Variants in METTL13 observed in about 807,000 individuals in gnomAD.
METTL13 encodes the protein methyltransferase 13, eEF1A N-terminus and K55.
Under a neutral mutation model 67.4 loss-of-function variants are expected in METTL13, and 52 were observed. That is an observed-to-expected ratio of 0.77 (90% CI 0.62 to 0.97). METTL13 has a LOEUF of 0.97. Among genes scored for constraint, METTL13 ranks in the 50% least tolerant of loss-of-function variants. The pLI is 0.00. For synonymous variants in METTL13, 354 were observed against 353.6 expected (o/e 1.00, Z -0.01); for missense variants, 825 against 889.6 (o/e 0.93, Z 0.92).
Position 171,796,915 on chromosome 1 carries a change from A to T in METTL13, c.*159A>T. On this transcript the variant is annotated 3_prime_UTR_variant, in exon 8 of 8. Transcript: ENST00000361735. The stretch of plus-strand genomic sequence containing the variant: ...TCCAGCTTGGTGAGGTTGCCTGAAG[A>T]TTAGGGAAAATAAAAATGTCCTTCC... The T allele has an allele frequency of 1.1e-6, 1 of 916,512 alleles. No homozygotes were observed. The highest frequency in any genetic ancestry group is 1.6e-6 in the Non-Finnish European group (1 of 624,668). The allele number at this position is 916,512 out of a possible 1,614,324, so 56.8% of individuals were successfully genotyped here.
chr1:171,781,669 T>TC lies in METTL13; in HGVS notation c.-299_-298insC. 1.3e-6 allele frequency: 1 copy of TC among 778,924 alleles called. No homozygotes were observed. Among genetic ancestry groups the TC allele is most frequent in the Non-Finnish European group, 1.7e-6 (1 of 593,530 alleles). The allele number at this position is 778,924 out of a possible 1,614,324, so 48.3% of individuals were successfully genotyped here. A position where few individuals can be genotyped will look rare whatever the true frequency, so the allele number is the denominator to read the frequency against. The stretch of plus-strand genomic sequence containing the variant: ...AATCACGAGGCTTCGCACCCGGATA[T>TC]GGTTATGGGCTCGGAAATCTAGTTC... On this transcript the variant is annotated 5_prime_UTR_variant, in exon 1 of 8. The change abolishes an upstream ATG in the 5' untranslated region. Transcript: ENST00000361735.
intron 6 of METTL13, among the ~76,000 whole-genome samples, chr1:171,793,188 G>A (rs1657262744): frequency 6.6e-6 from 1 of 152,182 alleles, no homozygotes; most frequent in African/African-American, 2.4e-5. Context: ...AAACTAGGAG[G>A]CCTGGGACAA....
intron 3 of METTL13, among the ~76,000 whole-genome samples, chr1:171,787,397 G>C (rs763125952): frequency 6.6e-6 from 1 of 152,008 alleles, no homozygotes; most frequent in East Asian, 1.9e-4. Flanking sequence ...CCCTTCCTGA[G>C]GGTTCCCTCT....
At chr1:171,788,998 C>G (rs1450254103) in intron 4 of METTL13, among the ~76,000 whole-genome samples, 1 of 152,330 alleles carries the variant, frequency 6.6e-6, no homozygotes, top group Non-Finnish European at 1.5e-5. Context: ...TGTTGGGTTT[C>G]TGCCCTATTG....
At chr1:171,790,411 G>A (rs748582131) in intron 4 of METTL13, 41 bp from the exon 5 acceptor site, 1 of 1,475,176 alleles carries the variant, frequency 6.8e-7, no homozygotes, top group Admixed American at 2.5e-5. Flanking sequence ...GCTTCCTGAG[G>A]ACTAGTGTAC....
At chr1:171,782,603 T>C (rs1422539043) in intron 1 of METTL13, among the ~76,000 whole-genome samples, 2 of 151,722 alleles carry the variant, frequency 1.3e-5, no homozygotes, top group South Asian at 2.1e-4. Context: ...TTTCAGATAA[T>C]AGACCTCCCA....
At chr1:171,795,327 A>G (rs1053034160) in intron 7 of METTL13, among the ~76,000 whole-genome samples, 1 of 152,234 alleles carries the variant, frequency 6.6e-6, no homozygotes, top group Non-Finnish European at 1.5e-5. Flanking sequence ...TTAACATTCT[A>G]GTATATGCCT....
At position 171,787,715 on chromosome 1, in the gene METTL13, A is replaced by G. The variant is rs1411506404; in HGVS notation, c.1114-20A>G. On this transcript the variant is annotated intron_variant, in intron 3 of 7. Coordinates refer to ENST00000361735, the MANE Select transcript of METTL13 (RefSeq NM_015935.5). The stretch of plus-strand genomic sequence containing the variant: ...TTAAATGAGCTGCTGTTTTGACCAC[A>G]TCTCTGGTTGTACCTTCAGGTCCCC... 6.2e-7 allele frequency: 1 copy of G among 1,605,416 alleles called. No individual in the cohort carries two copies. Among genetic ancestry groups the G allele is most frequent in the Non-Finnish European group, 8.5e-7 (1 of 1,173,080 alleles).
chr1:171,782,429 G>C (rs1656857763), intron 1 of METTL13, among the ~76,000 whole-genome samples: 1 of 151,908 alleles, frequency 6.6e-6, no homozygotes, highest in African/African-American at 2.4e-5. Context: ...TTAGCCGGGC[G>C]TGGTGGCGCG....
rs182226205 is a variant in METTL13 at position 171,796,907 on chromosome 1, G to A, written c.*151G>A. ...ATGTGACCTCCAGCTTGGTGAGGTT[G>A]CCTGAAGATTAGGGAAAATAAAAAT... On this transcript the variant is annotated 3_prime_UTR_variant, in exon 8 of 8. Transcript: ENST00000361735. 3.9e-4 allele frequency: 397 copies of A among 1,005,788 alleles called. No individual in the cohort carries two copies. The African/African-American group carries it at 5.9e-3, about 15-fold the overall frequency. 62.3% of individuals were successfully genotyped at this position (1,005,788 alleles called of 1,614,324 possible).
At position 171,790,486 on chromosome 1, in the gene METTL13, G is replaced by T; in HGVS notation, c.1344G>T (p.Gln448His). Residue 448 changes from glutamine to histidine, a missense_variant, in exon 5 of 8, where the codon CAG becomes CAT. Transcript: ENST00000361735. The part of the protein sequence containing the change: ...QKKRKKDRKK[Q>H]RPADAEDLPA... ...AGCGGAAAAAGGACAGGAAGAAGCA[G>T]CGGCCTGCTGATGCGGAGGACCTCC... 1 of 1,608,658 alleles carries T rather than the reference G, an allele frequency of 6.2e-7. No homozygotes were observed. Among genetic ancestry groups the T allele is most frequent in the South Asian group, 1.1e-5 (1 of 90,276 alleles).
At chr1:171,793,335 G>C (rs1231489998) in intron 6 of METTL13, among the ~76,000 whole-genome samples, 1 of 152,242 alleles carries the variant, frequency 6.6e-6, no homozygotes, top group Non-Finnish European at 1.5e-5. Context: ...ATTTACAACA[G>C]TGCCATGCAC....
chr1:171,795,275 T>C (rs774708954), intron 7 of METTL13, among the ~76,000 whole-genome samples: 26 of 152,244 alleles, frequency 1.7e-4, no homozygotes, highest in East Asian at 3.8e-4. Flanking sequence ...TGTTCGTATT[T>C]GGTTTGTTTC....
In METTL13 at chr1:171,790,432, G is replaced by A. The variant is rs2124903204; in HGVS notation, c.1310-20G>A. On this transcript the variant is annotated intron_variant, in intron 4 of 7. Transcript: ENST00000361735. Reference sequence around the variant, plus strand: ...TGAGGACTAGTGTACTAAGCATAGGGCTTCATATCTCTTGTTTAGCCCAGA... The same window carrying A: ...TGAGGACTAGTGTACTAAGCATAGGACTTCATATCTCTTGTTTAGCCCAGA... The A allele has an allele frequency of 6.4e-7, 1 of 1,568,370 alleles. No individual in the cohort carries two copies. Among genetic ancestry groups the A allele is most frequent in the Non-Finnish European group, 8.6e-7 (1 of 1,161,208 alleles).
chr1:171,783,998 C>T lies in METTL13; in HGVS notation c.412C>T (p.Gln138Ter). The T allele has an allele frequency of 6.2e-7, 1 of 1,614,220 alleles. No homozygotes were observed. The highest frequency in any genetic ancestry group is 1.1e-5 in the South Asian group (1 of 91,092). ...LTDEEEKTLQ[Q>*]VDRMLAEVGR... is the part of the protein sequence containing the mutation. ...AGATGAGGAAGAGAAGACCTTACAA[C>T]AGGTGGACAGGATGCTGGCTGAGGT... Residue 138 changes from glutamine (Q) to a stop codon, truncating the protein, a stop_gained, in exon 2 of 8, where the codon CAG becomes TAG. Coordinates refer to ENST00000361735, the MANE Select transcript of METTL13 (RefSeq NM_015935.5). LOFTEE classifies it high-confidence loss of function.
chr1:171,786,474 TCAG>T (rs1029825561), intron 3 of METTL13, among the ~76,000 whole-genome samples: 1 of 152,160 alleles, frequency 6.6e-6, no homozygotes, highest in Non-Finnish European at 1.5e-5. Context: ...CCAAAACAGC[TCAG>T]CACAGTTATC....
chr1:171,781,834 T>G lies in METTL13; in HGVS notation c.-134T>G. Reference sequence around the variant, plus strand: ...CTGGGGTTTGGAGTGGGGGAACAAATCAATGTGGCTGTTTTTCCGTGGAAA... The same window carrying G: ...CTGGGGTTTGGAGTGGGGGAACAAAGCAATGTGGCTGTTTTTCCGTGGAAA... On this transcript the variant is annotated 5_prime_UTR_variant, in exon 1 of 8. Coordinates refer to ENST00000361735, the MANE Select transcript of METTL13 (RefSeq NM_015935.5). The G allele has an allele frequency of 6.7e-7, 1 of 1,497,880 alleles. No individual in the cohort carries two copies. The highest frequency in any genetic ancestry group is 8.9e-7 in the Non-Finnish European group (1 of 1,124,716). 92.8% of individuals were successfully genotyped at this position (1,497,880 alleles called of 1,614,324 possible).
chr1:171,791,694 GCTCAA>G (rs1243686953), intron 5 of METTL13, among the ~76,000 whole-genome samples: 4 of 152,104 alleles, frequency 2.6e-5, no homozygotes, highest in African/African-American at 9.7e-5. Flanking sequence ...GAACTCCTGA[GCTCAA>G]GTAATCTGCC....
At chr1:171,784,553 G>A (rs1656946895) in intron 2 of METTL13, 54 bp downstream of exon 2, 2 of 1,442,666 alleles carry the variant, frequency 1.4e-6, no homozygotes, top group African/African-American at 1.4e-5. Context: ...ACAGGGGCTG[G>A]GGCTTGGGCT....
Sources: allele counts gnomAD v4.1 joint callset (sites outside exome capture counted in the v4.1 genomes callset), GRCh38; gene constraint gnomAD v4.1.1; transcripts MANE v1.5; gene names NCBI Gene and HGNC (gene_info 2026-07-23, HGNC 2026-07-21).